Variants in TMPRSS7 observed in about 807,000 individuals in gnomAD.
The protein encoded by TMPRSS7 is transmembrane serine protease 7.
Under a neutral mutation model 95.6 loss-of-function variants are expected in TMPRSS7, and 81 were observed. The observed-to-expected ratio is 0.85, with a 90% CI of 0.71 to 1.02. TMPRSS7 has a LOEUF of 1.02. TMPRSS7 is among the 50% of genes least tolerant of loss of function. The pLI is 0.00. For synonymous variants in TMPRSS7, 364 were observed against 337.8 expected (o/e 1.08, Z -0.85); for missense variants, 945 against 955.2 (o/e 0.99, Z 0.14).
rs576583178 is a variant in TMPRSS7, at chr3:112,074,504, T to C, written c.1783+92T>C. On this transcript the variant is annotated intron_variant, in intron 14 of 17. Coordinates refer to ENST00000452346, the Ensembl canonical transcript of TMPRSS7. ...CATTCCCTTCTTGGTGTATTTCCCTTGATCGAGGTTGCCATAGCCAAAACA... is the reference window on the plus strand; with the variant it reads ...CATTCCCTTCTTGGTGTATTTCCCTCGATCGAGGTTGCCATAGCCAAAACA... 1.0e-3 allele frequency: 977 copies of C among 953,402 alleles called. 1 individual carries two copies. Among genetic ancestry groups the C allele is most frequent in the Middle Eastern group, 2.0e-3 (9 of 4,480 alleles). The allele number at this position is 953,402 out of a possible 1,614,324, so 59.1% of individuals were successfully genotyped here.
intron 10 of TMPRSS7, among the ~76,000 whole-genome samples, chr3:112,058,989 G>A (rs2073467718): frequency 6.6e-6 from 1 of 152,184 alleles, no homozygotes; most frequent in Non-Finnish European, 1.5e-5. Context: ...CTCTAATTGT[G>A]CTAACTAGAC....
intron 10 of TMPRSS7, 30 bp downstream of exon 10, chr3:112,057,161 G>A (rs2073443404): frequency 1.4e-6 from 2 of 1,477,904 alleles, no homozygotes; most frequent in East Asian, 2.3e-5. Flanking sequence ...TTTCATATGT[G>A]AGGCATCTGA....
At chr3:112,074,364 T>G in exon 14 of TMPRSS7, 2 of 1,614,046 alleles carry the variant, frequency 1.2e-6, no homozygotes, top group South Asian at 2.2e-5. Flanking sequence ...AAATGCAAAA[T>G]GTGATGGGAC....
rs114399073 is a variant in TMPRSS7, at chr3:112,075,240, C to T, written c.1784-81C>T. ...AAATTGCTACCTAGTGAGTCAGTTCCCAGCCAGCACTAAAACTGGCTTAAC... is the reference window on the plus strand; with the variant it reads ...AAATTGCTACCTAGTGAGTCAGTTCTCAGCCAGCACTAAAACTGGCTTAAC... On this transcript the variant is annotated intron_variant, in intron 14 of 17. Coordinates refer to ENST00000452346, the Ensembl canonical transcript of TMPRSS7. The T allele has an allele frequency of 2.9e-4, 394 of 1,342,554 alleles. 3 individuals are homozygous for T. In the African/African-American group the frequency reaches 5.3e-3, roughly 18 times the overall value. The allele number at this position is 1,342,554 out of a possible 1,614,324, so 83.2% of individuals were successfully genotyped here. A position where few individuals can be genotyped will look rare whatever the true frequency, so the allele number is the denominator to read the frequency against.
Position 112,051,056 on chromosome 3 carries a change from A to T in TMPRSS7, c.1203+273A>T, listed in dbSNP as rs1259295789. On this transcript the variant is annotated intron_variant, in intron 9 of 17. Coordinates refer to ENST00000452346, the Ensembl canonical transcript of TMPRSS7. ...TTATTGAAGGTTCAATTATTGTATT[A>T]TGATAGAGCACATTTATCAATTTTT... Among the ~76,000 whole-genome samples, 4 of 152,158 alleles carry T rather than the reference A, an allele frequency of 2.6e-5. No individual in the cohort carries two copies. In the East Asian group the frequency reaches 7.7e-4, roughly 29 times the overall value.
intron 15 of TMPRSS7, among the ~76,000 whole-genome samples, chr3:112,076,298 G>A (rs2073709671): frequency 6.6e-6 from 1 of 152,192 alleles, no homozygotes; most frequent in Non-Finnish European, 1.5e-5. Context: ...GGTCATGGAG[G>A]TCAAGATTGG....
Position 112,051,083 on chromosome 3 carries a change from ATTAC to A in TMPRSS7, c.1203+304_1203+307del, listed in dbSNP as rs145530251. Among the ~76,000 whole-genome samples, 784 of 152,280 alleles carry A rather than the reference ATTAC, an allele frequency of 5.1e-3. 10 individuals carry two copies. Among genetic ancestry groups the A allele is most frequent in the African/African-American group, 0.018 (752 of 41,560 alleles). ...GATAGAGCACATTTATCAATTTTTA[ATTAC>A]TTAATCACCAGCATTGTAATAGGAA... On this transcript the variant is annotated intron_variant, in intron 9 of 17. Transcript: ENST00000452346.
At chr3:112,058,602 G>GC (rs1201614353) in intron 10 of TMPRSS7, among the ~76,000 whole-genome samples, 7 of 152,204 alleles carry the variant, frequency 4.6e-5, no homozygotes, top group Admixed American at 3.9e-4. Context: ...TATAGAACGT[G>GC]CCCCCAAGGC....
chr3:112,055,668 T>A (rs1372286398), intron 9 of TMPRSS7, among the ~76,000 whole-genome samples: 1 of 152,012 alleles, frequency 6.6e-6, no homozygotes, highest in Non-Finnish European at 1.5e-5. Flanking sequence ...ACAAAAAGGA[T>A]GGGCAATGTA....
chr3:112,054,292 T>C (rs943850054), intron 9 of TMPRSS7, among the ~76,000 whole-genome samples: 1 of 152,194 alleles, frequency 6.6e-6, no homozygotes, highest in Non-Finnish European at 1.5e-5. Flanking sequence ...AATTCCTCCC[T>C]TTACTTGATT....
intron 11 of TMPRSS7, among the ~76,000 whole-genome samples, chr3:112,062,665 A>G (rs2073524276): frequency 6.6e-6 from 1 of 152,234 alleles, no homozygotes; most frequent in African/African-American, 2.4e-5. Context: ...ACAGAGTATT[A>G]CAGTTTCCAG....
chr3:112,040,961 A>T (rs2073200466), intron 2 of TMPRSS7, among the ~76,000 whole-genome samples: 1 of 151,922 alleles, frequency 6.6e-6, no homozygotes, highest in East Asian at 1.9e-4. Context: ...TGCTAAATTA[A>T]TTGATCTTTC....
At position 112,060,950 on chromosome 3, in the gene TMPRSS7, C is replaced by A. The variant is rs550546421; in HGVS notation, c.1311-837C>A. On this transcript the variant is annotated intron_variant, in intron 10 of 17. Coordinates refer to ENST00000452346, the Ensembl canonical transcript of TMPRSS7. ...GGGAACTAATAAATGTCCATGAAAT[C>A]TTCAGAATCCACGTTCTTCTGCCAT... 2.0e-5 allele frequency among the ~76,000 whole-genome samples: 3 copies of A among 152,286 alleles called. No homozygotes were observed. In the East Asian group the frequency reaches 5.8e-4, roughly 29 times the overall value.
intron 16 of TMPRSS7, 44 bp downstream of exon 16, chr3:112,077,188 T>C: frequency 6.3e-7 from 1 of 1,595,478 alleles, no homozygotes; most frequent in South Asian, 1.1e-5. Flanking sequence ...CTGCAGAGGA[T>C]GATAAGGTGT....
chr3:112,056,974 T>C (rs752925710), intron 9 of TMPRSS7, 51 bp from the exon 10 acceptor site: 4 of 1,306,320 alleles, frequency 3.1e-6, no homozygotes, highest in Admixed American at 1.8e-5. Flanking sequence ...AATAAGTAAA[T>C]ACATACTTTG....
intron 1 of TMPRSS7, among the ~76,000 whole-genome samples, chr3:112,035,931 T>C (rs543635538): frequency 1.6e-3 from 243 of 152,316 alleles, no homozygotes; most frequent in Middle Eastern, 3.4e-3. Flanking sequence ...ATTATTTCAT[T>C]TATAATTGAG....
At chr3:112,079,113 A>G (rs918272599) in intron 17 of TMPRSS7, among the ~76,000 whole-genome samples, 6 of 152,206 alleles carry the variant, frequency 3.9e-5, no homozygotes, top group African/African-American at 1.4e-4. Context: ...TTCAATATTT[A>G]GAGGATGAGG....
chr3:112,074,768 G>A (rs1033421281), intron 14 of TMPRSS7, among the ~76,000 whole-genome samples: 4 of 152,188 alleles, frequency 2.6e-5, no homozygotes, highest in Admixed American at 6.5e-5. Context: ...ACAATATCAA[G>A]TGCTGTTTCT....
At chr3:112,047,907 T>G in exon 7 of TMPRSS7, 1 of 1,614,138 alleles carries the variant, frequency 6.2e-7, no homozygotes, top group South Asian at 1.1e-5. Flanking sequence ...GACAACTGTG[T>G]CACTGACTCC....
Sources: gnomAD v4.1 joint callset for allele counts (sites outside exome capture counted in the v4.1 genomes callset) on GRCh38, gnomAD v4.1.1 for gene constraint, MANE v1.5 for transcripts, NCBI Gene and HGNC (gene_info 2026-07-23, HGNC 2026-07-21) for gene names.